The following STK3 variants were observed in gnomAD, a reference collection of about 807,000 sequenced individuals.
STK3 encodes serine/threonine kinase 3, also known as serine/threonine-protein kinase 3.
In STK3, 41 loss-of-function variants were observed where a neutral mutation model predicts 58.0. That is an observed-to-expected ratio of 0.71 (90% CI 0.55 to 0.92). The LOEUF (loss-of-function observed/expected upper bound fraction) is 0.92, where lower values mean the gene tolerates loss of function less well. Among genes scored for constraint, STK3 ranks in the 40% least tolerant of loss-of-function variants. STK3 has a pLI of 0.00. For missense variants in STK3, 479 were observed against 602.7 expected (o/e 0.79, Z 2.15); for synonymous variants, 170 against 191.0 (o/e 0.89, Z 0.91).
intron 1 of STK3, among the ~76,000 whole-genome samples, chr8:98,384,501 A>G (rs1339526906): frequency 1.3e-5 from 2 of 152,180 alleles, no homozygotes; most frequent in Non-Finnish European, 2.9e-5. Context: ...CACTGTCAAG[A>G]CCTTCCATCC....
At chr8:98,504,705 T>C (rs971403999) in intron 10 of STK3, among the ~76,000 whole-genome samples, 1 of 152,210 alleles carries the variant, frequency 6.6e-6, no homozygotes, top group Non-Finnish European at 1.5e-5. Context: ...TTTAAGAATG[T>C]TGAATACTGG....
At chr8:98,677,329 C>T (rs973757583) in intron 6 of STK3, among the ~76,000 whole-genome samples, 16 of 143,710 alleles carry the variant, frequency 1.1e-4, no homozygotes, top group African/African-American at 4.1e-4. Context: ...AATCTCACCG[C>T]ACCCCCACCC....
the STK3 span, among the ~76,000 whole-genome samples, chr8:98,344,457 T>C: frequency 1.3e-5 from 2 of 152,158 alleles, no homozygotes; most frequent in Non-Finnish European, 2.9e-5. Context: ...GACAATACAT[T>C]CTGCATGGTT....
chr8:98,893,465 A>G lies in STK3; in HGVS notation c.-78-9631T>C, dbSNP rs1199191742. On this transcript the variant is annotated intron_variant, in intron 1 of 1. Coordinates refer to the STK3 transcript ENST00000519420. ...AAGAAAGAAAGAAAGAAAGAAAGAA[A>G]GAAAGAAAGAAAGAAAGAAAGAGAA... Among the ~76,000 whole-genome samples the G allele has an allele frequency of 5.7e-4, 61 of 106,850 alleles. 1 individual carries two copies. The East Asian group carries it at 6.9e-3, about 12-fold the overall frequency. The allele number at this position is 106,850 out of a possible 152,430, so 70.1% of individuals were successfully genotyped here. A position where few individuals can be genotyped will look rare whatever the true frequency, so the allele number is the denominator to read the frequency against.
At chr8:98,708,844 C>T (rs1306498602) in intron 4 of STK3, among the ~76,000 whole-genome samples, 1 of 151,368 alleles carries the variant, frequency 6.6e-6, no homozygotes, top group Non-Finnish European at 1.5e-5. Context: ...GTGAGAGGGG[C>T]TGTCTTTTGT....
At chr8:98,736,348 G>A (rs1385106224) in intron 4 of STK3, among the ~76,000 whole-genome samples, 1 of 152,196 alleles carries the variant, frequency 6.6e-6, no homozygotes, top group Admixed American at 6.5e-5. Context: ...TGAGGCAAGG[G>A]CATACATATA....
chr8:98,636,897 C>T (rs1295888773), intron 6 of STK3, among the ~76,000 whole-genome samples: 1 of 151,930 alleles, frequency 6.6e-6, no homozygotes, highest in African/African-American at 2.4e-5. Context: ...AATAAAATAG[C>T]ATTTGAAAAT....
In STK3 at chr8:98,717,042, C is replaced by T. The variant is rs528500534; in HGVS notation, c.352-9731G>A. Among the ~76,000 whole-genome samples, 9 of 152,062 alleles carry T rather than the reference C, an allele frequency of 5.9e-5. No homozygotes were observed. In the South Asian group the frequency reaches 1.9e-3, roughly 32 times the overall value. On this transcript the variant is annotated intron_variant, in intron 4 of 10. Transcript: ENST00000419617. ...ATTGAAAATGAATCAAAGACCTAAACATAAGACCTAAAACTATACCACTCT... is the reference window on the plus strand; with the variant it reads ...ATTGAAAATGAATCAAAGACCTAAATATAAGACCTAAAACTATACCACTCT...
chr8:98,651,907 T>A (rs895294356), intron 6 of STK3, among the ~76,000 whole-genome samples: 2 of 151,526 alleles, frequency 1.3e-5, no homozygotes, highest in African/African-American at 4.8e-5. Flanking sequence ...GAAAACACTC[T>A]GCAGGATATT....
At chr8:98,371,129 C>T (rs1817606105), downstream of STK3, among the ~76,000 whole-genome samples, 2 of 152,138 alleles carry the variant, frequency 1.3e-5, no homozygotes. Flanking sequence ...GTTGTTTGTG[C>T]CTGCAGGACA....
intron 1 of STK3, among the ~76,000 whole-genome samples, chr8:98,927,671 T>C (rs941443674): frequency 4.6e-5 from 7 of 152,254 alleles, no homozygotes; most frequent in African/African-American, 1.4e-4. Flanking sequence ...GTGGTAGAGA[T>C]AGACTGTGTA....
chr8:98,417,899 T>A (rs1174371182), intron 3 of STK3, among the ~76,000 whole-genome samples: 2 of 152,296 alleles, frequency 1.3e-5, no homozygotes, highest in South Asian at 2.1e-4. Context: ...GGAGAGTTTT[T>A]AATTTAATTT....
At chr8:98,818,829 T>G (rs890221079) in intron 1 of STK3, among the ~76,000 whole-genome samples, 7 of 152,114 alleles carry the variant, frequency 4.6e-5, no homozygotes, top group African/African-American at 1.4e-4. Context: ...ATGAATTTTT[T>G]TTGTTGTTTT....
chr8:98,666,439 T>C (rs961676439), intron 6 of STK3, among the ~76,000 whole-genome samples: 2 of 152,212 alleles, frequency 1.3e-5, no homozygotes, highest in Non-Finnish European at 2.9e-5. Context: ...GTTAGTTCTA[T>C]ATACAGTTAT....
intron 1 of STK3, among the ~76,000 whole-genome samples, chr8:98,903,556 C>CTTCTTCCTCTT (rs200556218): frequency 4.0e-5 from 2 of 50,496 alleles, no homozygotes; most frequent in African/African-American, 1.4e-4. Context: ...TCTTCTTCTT[C>CTTCTTCCTCTT]CTTTTTTTTT....
chr8:98,458,016 T>C (rs1819629146), intron 10 of STK3, among the ~76,000 whole-genome samples: 1 of 152,172 alleles, frequency 6.6e-6, no homozygotes. Context: ...CTAACATTAT[T>C]AAGGAATTAG....
At chr8:98,375,459 T>C (rs1186199465) in intron 2 of STK3, among the ~76,000 whole-genome samples, 1 of 151,996 alleles carries the variant, frequency 6.6e-6, no homozygotes, top group East Asian at 1.9e-4. Flanking sequence ...TTTTGTAGAG[T>C]AGAATTTTAA....
intron 10 of STK3, among the ~76,000 whole-genome samples, chr8:98,463,382 TA>T (rs76436006): frequency 0.01 from 1,494 of 147,050 alleles, 35 homozygotes; most frequent in East Asian, 0.08. Flanking sequence ...TCAGTATTTC[TA>T]AAAAAAAAAC....
At chr8:98,355,006 AC>A in the STK3 span, among the ~76,000 whole-genome samples, 1 of 151,984 alleles carries the variant, frequency 6.6e-6, no homozygotes, top group Non-Finnish European at 1.5e-5. Flanking sequence ...CGAACTCCTA[AC>A]CTCAGGTGAC....
Sources: gnomAD v4.1 joint callset for allele counts (sites outside exome capture counted in the v4.1 genomes callset) on GRCh38, gnomAD v4.1.1 for gene constraint, MANE v1.5 for transcripts, NCBI Gene and HGNC (gene_info 2026-07-23, HGNC 2026-07-21) for gene names.